The following PSMF1 variants were observed in gnomAD, a reference collection of about 807,000 sequenced individuals.
PSMF1 encodes proteasome inhibitor subunit 1.
In PSMF1, 30 loss-of-function variants were observed where a neutral mutation model predicts 29.3. The observed-to-expected ratio is 1.02, with a 90% CI of 0.77 to 1.39. PSMF1 has a LOEUF of 1.39. PSMF1 is among the 40% of genes most tolerant of loss of function. PSMF1 has a pLI of 0.00. For synonymous variants in PSMF1, 134 were observed against 139.7 expected (o/e 0.96, Z 0.29); for missense variants, 344 against 357.5 (o/e 0.96, Z 0.31).
chr20:1,164,609 C>A lies in PSMF1; in HGVS notation c.764+133C>A. 8.1e-7 allele frequency: 1 copy of A among 1,239,794 alleles called. No individual in the cohort carries two copies. The highest frequency in any genetic ancestry group is 1.4e-5 in the South Asian group (1 of 70,042). 76.8% of individuals were successfully genotyped at this position (1,239,794 alleles called of 1,614,324 possible). ...ACCTGTTGCTGCCAGGAGAGTGGAG[C>A]CTCCTCCAGGGCCCTGCCTGATTTC... On this transcript the variant is annotated intron_variant, in intron 6 of 6. Transcript: ENST00000335877. This position sits in a 1 kb window ranked among gnomAD's most constrained non-coding sequence, Gnocchi z 4.1.
intron 4 of PSMF1, among the ~76,000 whole-genome samples, chr20:1,162,760 C>T (rs1448642924): frequency 6.6e-6 from 1 of 152,062 alleles, no homozygotes. Context: ...CAAATCTTAG[C>T]TTTGGGATTT....
Position 1,163,010 on chromosome 20 carries a change from T to C in PSMF1, c.552-120T>C, listed in dbSNP as rs1387294117. On this transcript the variant is annotated intron_variant, in intron 4 of 6. Transcript: ENST00000335877. This position sits in a 1 kb window ranked among gnomAD's most constrained non-coding sequence, Gnocchi z 6.1. The stretch of plus-strand genomic sequence containing the variant: ...CTGAGCCAAGGACCACCCTGAAATA[T>C]CCCTTGTGCTATGGTCTCATGCAAG... The C allele has an allele frequency of 5.9e-6, 6 of 1,010,074 alleles. No homozygotes were observed. The African/African-American group carries it at 6.4e-5, about 11-fold the overall frequency. The allele number at this position is 1,010,074 out of a possible 1,614,324, so 62.6% of individuals were successfully genotyped here. A position where few individuals can be genotyped will look rare whatever the true frequency, so the allele number is the denominator to read the frequency against.
intron 4 of PSMF1, among the ~76,000 whole-genome samples, chr20:1,154,597 G>C (rs1475504236): frequency 6.6e-6 from 1 of 152,172 alleles, no homozygotes; most frequent in South Asian, 2.1e-4. Context: ...CTCTGACTGG[G>C]AAACAGTCTA....
At chr20:1,132,969 GTT>G (rs60189289) in intron 3 of PSMF1, among the ~76,000 whole-genome samples, 1 of 134,114 alleles carries the variant, frequency 7.5e-6, no homozygotes. Flanking sequence ...GGGTTTTTTT[GTT>G]TTTTTTTTTT....
At chr20:1,136,005 T>A (rs1295282245) in intron 4 of PSMF1, among the ~76,000 whole-genome samples, 2 of 152,228 alleles carry the variant, frequency 1.3e-5, no homozygotes, top group Non-Finnish European at 1.5e-5. Context: ...GTGAGGGACA[T>A]GAATAAGCAC....
At chr20:1,161,229 G>A (rs569466512) in intron 4 of PSMF1, 24 of 315,452 alleles carry the variant, frequency 7.6e-5, no homozygotes, top group African/African-American at 4.4e-4. Context: ...GTGCTGCGTC[G>A]CCCCGGACTT....
intron 4 of PSMF1, among the ~76,000 whole-genome samples, chr20:1,135,841 A>G (rs994753709): frequency 6.6e-6 from 1 of 152,176 alleles, no homozygotes; most frequent in African/African-American, 2.4e-5. Context: ...AGGTTTTTGC[A>G]GATTAGGATG....
At chr20:1,147,523 C>T (rs1362768552) in intron 4 of PSMF1, among the ~76,000 whole-genome samples, 3 of 152,170 alleles carry the variant, frequency 2.0e-5, no homozygotes, top group East Asian at 1.9e-4. Flanking sequence ...AGCCCATCCC[C>T]TTTCTCCTCC....
upstream of PSMF1, among the ~76,000 whole-genome samples, chr20:1,114,329 C>T (rs563880468): frequency 5.9e-5 from 9 of 152,284 alleles, no homozygotes; most frequent in Non-Finnish European, 1.2e-4. Context: ...CACTTCCCTA[C>T]TCCACTGCCC....
chr20:1,119,911 A>G (rs1190907345), intron 1 of PSMF1, among the ~76,000 whole-genome samples: 1 of 151,786 alleles, frequency 6.6e-6, no homozygotes, highest in East Asian at 1.9e-4. Context: ...ATGAGATTTC[A>G]CCCTTCCTCT....
intron 1 of PSMF1, 146 bp from the exon 2 acceptor site, chr20:1,125,352 G>C (rs1010133656): frequency 1.2e-6 from 1 of 844,298 alleles, no homozygotes; most frequent in Non-Finnish European, 1.7e-6. Flanking sequence ...CTCTCTCGCT[G>C]TAGGATCTTG....
chr20:1,128,351 C>T (rs2086186513), intron 3 of PSMF1, among the ~76,000 whole-genome samples: 1 of 152,126 alleles, frequency 6.6e-6, no homozygotes, highest in Admixed American at 6.5e-5. Flanking sequence ...GATTCTTTTT[C>T]TCTTATTCCA....
chr20:1,116,389 A>G (rs957852505), upstream of PSMF1, among the ~76,000 whole-genome samples: 10 of 152,324 alleles, frequency 6.6e-5, no homozygotes, highest in African/African-American at 2.2e-4. Flanking sequence ...TGTCATCCAG[A>G]ATGTAGTCAA....
At chr20:1,113,891 CTG>C (rs1424871328), upstream of PSMF1, among the ~76,000 whole-genome samples, 1 of 151,984 alleles carries the variant, frequency 6.6e-6, no homozygotes, top group Admixed American at 6.5e-5. Context: ...CGGGGTTTCA[CTG>C]TGTTAGCCAG....
intron 2 of PSMF1, chr20:1,127,224 C>T (rs550834939): frequency 3.1e-5 from 23 of 740,646 alleles, no homozygotes; most frequent in African/African-American, 2.1e-4. Context: ...GTGTTTTAGT[C>T]TCTGCCTTGG....
intron 4 of PSMF1, among the ~76,000 whole-genome samples, chr20:1,145,006 T>G (rs115400867): frequency 0.027 from 4,184 of 152,156 alleles, 178 homozygotes; most frequent in African/African-American, 0.096. Context: ...CTGCCTCAGC[T>G]TTCTGAGTAG....
At chr20:1,137,372 G>C (rs1351982452) in intron 4 of PSMF1, among the ~76,000 whole-genome samples, 1 of 152,160 alleles carries the variant, frequency 6.6e-6, no homozygotes, top group African/African-American at 2.4e-5. Context: ...AGGTGGATCT[G>C]GCGAGTAGCA....
chr20:1,136,519 A>G (rs2086309009), intron 4 of PSMF1, among the ~76,000 whole-genome samples: 1 of 152,250 alleles, frequency 6.6e-6, no homozygotes, highest in African/African-American at 2.4e-5. Context: ...ATCCCTTACT[A>G]TATTGAAATG....
Position 1,168,103 on chromosome 20 carries a change from A to G in PSMF1, c.*3023A>G, listed in dbSNP as rs944682621. On this transcript the variant is annotated 3_prime_UTR_variant, in exon 7 of 7. Coordinates refer to ENST00000335877, the MANE Select transcript of PSMF1 (RefSeq NM_006814.5). Reference sequence around the variant, plus strand: ...AAAAGAATTTTGACCTACACCAAGCAAGGCAGAGACCAGAGTCAGTCCCCC... The same window carrying G: ...AAAAGAATTTTGACCTACACCAAGCGAGGCAGAGACCAGAGTCAGTCCCCC... 6.6e-6 allele frequency: 1 copy of G among 152,238 alleles called. No homozygotes were observed. Among genetic ancestry groups the G allele is most frequent in the Non-Finnish European group, 1.5e-5 (1 of 68,048 alleles). The allele number at this position is 152,238 out of a possible 1,614,324, so 9.4% of individuals were successfully genotyped here.
Sources: gnomAD v4.1 joint callset for allele counts (sites outside exome capture counted in the v4.1 genomes callset) on GRCh38, gnomAD v4.1.1 for gene constraint, Gnocchi (gnomAD v3.1) non-coding constraint, MANE v1.5 for transcripts, NCBI Gene and HGNC (gene_info 2026-07-23, HGNC 2026-07-21) for gene names.